Variants in PKHD1 observed in about 807,000 individuals in gnomAD.
PKHD1 encodes the protein fibrocystin.
PKHD1 carries 291 observed loss-of-function variants against 412.0 expected under a neutral mutation model. The ratio of observed to expected loss-of-function variants is 0.71; its 90% confidence interval spans 0.64 to 0.78. The LOEUF is 0.78. PKHD1 is among the 30% of genes least tolerant of loss of function. The pLI, the probability that PKHD1 is intolerant of heterozygous loss-of-function variation, is 0.00. For missense variants in PKHD1, 4,825 were observed against 4,950.7 expected (o/e 0.97, Z 0.76); for synonymous variants, 1,777 against 1,821.5 (o/e 0.98, Z 0.62).
chr6:52,027,293 A>C (rs1473715617), intron 31 of PKHD1, among the ~76,000 whole-genome samples: 1 of 152,010 alleles, frequency 6.6e-6, no homozygotes, highest in Non-Finnish European at 1.5e-5. Flanking sequence ...GCACTTTAGG[A>C]GGCCGAGGTG....
chr6:51,791,540 C>T (rs1316593981), intron 52 of PKHD1, among the ~76,000 whole-genome samples, 167 bp from the exon 53 acceptor site: 1 of 152,162 alleles, frequency 6.6e-6, no homozygotes, highest in Non-Finnish European at 1.5e-5. Flanking sequence ...ACTTACTGAA[C>T]AGGAAAATAA....
intron 46 of PKHD1, among the ~76,000 whole-genome samples, chr6:51,871,854 G>T (rs1407402950): frequency 8.5e-6 from 1 of 117,104 alleles, no homozygotes; most frequent in Non-Finnish European, 2.1e-5. Context: ...CTCCCAACAT[G>T]AAAAATGATG....
rs747943987 is a variant in PKHD1 at position 51,748,426 on chromosome 6, G to A, written c.9190C>T (p.Leu3064Phe). ...EGQAYTVTNN[L>F]VVLMTQPAWS... ...GCTGGCTGTGTCATCAGAACCACAAGGTTATTAGTGACAGTATAGGCCTGA... is the reference window on the plus strand; with the variant it reads ...GCTGGCTGTGTCATCAGAACCACAAAGTTATTAGTGACAGTATAGGCCTGA... Residue 3064 changes from leucine (L) to phenylalanine (F), a missense_variant, in exon 58 of 67, where the codon CTT (leucine) becomes TTT (phenylalanine). By Grantham distance (22) the Leu-to-Phe change is conservative. Coordinates refer to ENST00000371117, the MANE Select transcript of PKHD1 (RefSeq NM_138694.4). The A allele has an allele frequency of 3.7e-6, 6 of 1,614,034 alleles. No individual in the cohort carries two copies. Among genetic ancestry groups the A allele is most frequent in the Non-Finnish European group, 5.1e-6 (6 of 1,179,954 alleles).
Position 52,056,514 on chromosome 6 carries a change from G to A in PKHD1, c.1693+184C>T, listed in dbSNP as rs184552557. 1.5e-3 allele frequency among the ~76,000 whole-genome samples: 235 copies of A among 151,976 alleles called. 4 individuals are homozygous for A. In the South Asian group the frequency reaches 0.037, roughly 24 times the overall value. On this transcript the variant is annotated intron_variant, in intron 18 of 66. Coordinates refer to ENST00000371117, the MANE Select transcript of PKHD1 (RefSeq NM_138694.4). ...CCTTTCCTTTCTATTGACACCCACC[G>A]AGCATCAACCTCCCAAGCACAGTGC...
intron 21 of PKHD1, among the ~76,000 whole-genome samples, chr6:52,052,122 T>C (rs1414241316): frequency 6.6e-6 from 1 of 152,148 alleles, no homozygotes; most frequent in African/African-American, 2.4e-5. Flanking sequence ...ATTTTCTAAA[T>C]CAAAATGTAA....
chr6:51,730,947 G>A (rs1305738360), intron 60 of PKHD1, among the ~76,000 whole-genome samples: 1 of 152,156 alleles, frequency 6.6e-6, no homozygotes, highest in Non-Finnish European at 1.5e-5. Context: ...AGGGAAGAGG[G>A]TCTCACTCTG....
chr6:51,948,686 A>T (rs1554154272), intron 36 of PKHD1, among the ~76,000 whole-genome samples: 1 of 152,210 alleles, frequency 6.6e-6, no homozygotes, highest in Non-Finnish European at 1.5e-5. Context: ...AAATTATCAA[A>T]GTAAATGAGG....
At chr6:51,945,949 A>G (rs1168065917) in intron 36 of PKHD1, among the ~76,000 whole-genome samples, 1 of 152,258 alleles carries the variant, frequency 6.6e-6, no homozygotes, top group Non-Finnish European at 1.5e-5. Flanking sequence ...GTGTGAACCT[A>G]AGAAAGTTTG....
chr6:52,003,914 G>A (rs1357695442), intron 35 of PKHD1, among the ~76,000 whole-genome samples: 5 of 152,152 alleles, frequency 3.3e-5, no homozygotes, highest in African/African-American at 1.2e-4. Flanking sequence ...AAATTGCATT[G>A]ACTTAAATGT....
At position 52,050,100 on chromosome 6, in the gene PKHD1, T is replaced by C. The variant is rs9395759; in HGVS notation, c.2279+57A>G. The C allele has an allele frequency of 0.99, 1,575,285 of 1,586,250 alleles. 782,758 individuals carry two copies. Among genetic ancestry groups the C allele is most frequent in the East Asian group, 1 (44,703 of 44,704 alleles). On this transcript the variant is annotated intron_variant, in intron 22 of 66. Transcript: ENST00000371117. ...CTGAAAAAAGTCACACCTGTGTCCC[T>C]CAAGGCCAACAAGCATTCTTAGGAG... is the stretch of plus-strand genomic sequence containing the variant.
Position 52,085,055 on chromosome 6 carries a change from T to G in PKHD1, c.-84-38A>C, listed in dbSNP as rs1268634473. 8 of 776,738 alleles carry G rather than the reference T, an allele frequency of 1.0e-5. No individual in the cohort carries two copies. The Admixed American group carries it at 1.4e-4, about 14-fold the overall frequency. 48.1% of individuals were successfully genotyped at this position (776,738 alleles called of 1,614,324 possible). On this transcript the variant is annotated intron_variant, in intron 1 of 66. Coordinates refer to ENST00000371117, the MANE Select transcript of PKHD1 (RefSeq NM_138694.4). ...AAAAAAAGCAAAAAAAAATTATCAT[T>G]TTGTTTACATACGATTATTTTGCTG...
intron 43 of PKHD1, among the ~76,000 whole-genome samples, chr6:51,896,491 AT>A (rs1302100462): frequency 6.6e-6 from 1 of 152,142 alleles, no homozygotes; most frequent in Non-Finnish European, 1.5e-5. Flanking sequence ...CAGAAAGGAC[AT>A]CCACACCAAA....
In PKHD1 at chr6:52,045,021, A is replaced by T; in HGVS notation, c.2660T>A (p.Val887Asp). 6.2e-7 allele frequency: 1 copy of T among 1,613,286 alleles called. No individual in the cohort carries two copies. Among genetic ancestry groups the T allele is most frequent in the Non-Finnish European group, 8.5e-7 (1 of 1,179,554 alleles). The change falls in exon 25 of 67, where the codon GTT (valine) becomes GAT (aspartate). Residue 887 changes from valine to aspartate, a missense_variant. Physicochemically the swap from Val to Asp is radical, Grantham distance 152 (BLOSUM62 -3). Coordinates refer to ENST00000371117, the MANE Select transcript of PKHD1 (RefSeq NM_138694.4). Reference protein sequence around the residue: ...AATRVVYDGGVFLGPIFGDML... With the variant: ...AATRVVYDGGDFLGPIFGDML... ...GTCTCCAAATATGGGTCCAAGAAAA[A>T]CTCCACCATCATATACCACACGCGT...
At chr6:52,002,588 C>G (rs1267091343) in intron 35 of PKHD1, among the ~76,000 whole-genome samples, 1 of 152,120 alleles carries the variant, frequency 6.6e-6, no homozygotes, top group Non-Finnish European at 1.5e-5. Flanking sequence ...AATCTAATAA[C>G]TAGCTCAACC....
chr6:51,761,054 A>T (rs1477973884), intron 55 of PKHD1, among the ~76,000 whole-genome samples: 2 of 152,082 alleles, frequency 1.3e-5, no homozygotes, highest in Non-Finnish European at 2.9e-5. Context: ...ATAGAATATG[A>T]TCCAGCAATC....
Position 52,025,683 on chromosome 6 carries a change from G to C in PKHD1, c.4127C>G (p.Ala1376Gly), listed in dbSNP as rs1466119260. ...LQVRQKQMGFANMSVVLQQFA... is the reference protein window; with the variant it reads ...LQVRQKQMGFGNMSVVLQQFA... ...TTGCTGGAGCACCACAGACATATTA[G>C]CAAATCCCATCTGCTTCTGACGTAC... Residue 1376 changes from alanine (A) to glycine (G), a missense_variant, in exon 32 of 67, where the codon GCT becomes GGT. Ala to Gly is a moderately conservative substitution (Grantham distance 60, BLOSUM62 0). Coordinates refer to ENST00000371117, the MANE Select transcript of PKHD1 (RefSeq NM_138694.4). 1 of 1,614,062 alleles carries C rather than the reference G, an allele frequency of 6.2e-7. No individual in the cohort carries two copies. Among genetic ancestry groups the C allele is most frequent in the Non-Finnish European group, 8.5e-7 (1 of 1,180,056 alleles).
intron 60 of PKHD1, among the ~76,000 whole-genome samples, chr6:51,669,669 C>G (rs1774550163): frequency 1.5e-5 from 2 of 133,666 alleles, no homozygotes; most frequent in Admixed American, 1.6e-4. Flanking sequence ...TTCCTGCTTT[C>G]TCTTGTGGGC....
At chr6:51,813,073 C>T (rs1764937147) in intron 52 of PKHD1, among the ~76,000 whole-genome samples, 1 of 152,108 alleles carries the variant, frequency 6.6e-6, no homozygotes, top group South Asian at 2.1e-4. Context: ...TCTTATGTCT[C>T]CCTAAAACAT....
chr6:52,059,544 T>C (rs570303006), intron 15 of PKHD1, among the ~76,000 whole-genome samples: 1 of 152,204 alleles, frequency 6.6e-6, no homozygotes, highest in Admixed American at 6.5e-5. Context: ...CCACCACACC[T>C]GGCCCACACA....
Sources: gnomAD v4.1 joint callset for allele counts (sites outside exome capture counted in the v4.1 genomes callset) on GRCh38, gnomAD v4.1.1 for gene constraint, MANE v1.5 for transcripts, NCBI Gene and HGNC (gene_info 2026-07-23, HGNC 2026-07-21) for gene names.